Variants in ADAM22 observed in about 807,000 individuals in gnomAD.
ADAM22 encodes disintegrin and metalloproteinase domain-containing protein 22.
In ADAM22, 65 loss-of-function variants were observed where a neutral mutation model predicts 144.6. That is an observed-to-expected ratio of 0.45 (90% CI 0.37 to 0.55). ADAM22 has a LOEUF of 0.55. Ranked by LOEUF, ADAM22 falls within the 20% of genes least tolerant of loss-of-function variation. ADAM22 has a pLI of 0.00. For missense variants in ADAM22, 974 were observed against 1,184.9 expected (o/e 0.82, Z 2.61); for synonymous variants, 391 against 412.6 (o/e 0.95, Z 0.63).
rs1204808583 is a variant in ADAM22, at chr7:88,189,963, AATAAC to A, written c.2751-3151_2751-3147del. 2.0e-5 allele frequency among the ~76,000 whole-genome samples: 3 copies of A among 152,034 alleles called. No individual in the cohort carries two copies. The East Asian group carries it at 5.8e-4, about 29-fold the overall frequency. On this transcript the variant is annotated intron_variant, in intron 30 of 31. Transcript: ENST00000413139. ...GTCTCAAAAAAATAAATAAAAATAA[AATAAC>A]AAATTCTCCTGGATCAACCTACTAT...
At chr7:87,978,871 G>GTTAA in intron 3 of ADAM22, among the ~76,000 whole-genome samples, 12 of 152,282 alleles carry the variant, frequency 7.9e-5, no homozygotes, top group African/African-American at 2.9e-4. Flanking sequence ...GTGGATTTCT[G>GTTAA]TGAGGTTTCT....
chr7:87,985,429 T>G (rs941690257), intron 3 of ADAM22, among the ~76,000 whole-genome samples: 9 of 152,218 alleles, frequency 5.9e-5, no homozygotes, highest in African/African-American at 1.9e-4. Flanking sequence ...ATTCAATTTT[T>G]AAATGCTTTT....
chr7:88,070,947 A>G (rs1812582131), intron 3 of ADAM22, among the ~76,000 whole-genome samples: 1 of 152,124 alleles, frequency 6.6e-6, no homozygotes, highest in Non-Finnish European at 1.5e-5. Flanking sequence ...GAGTAAATTG[A>G]CTGGAAAAGC....
In ADAM22 at chr7:88,182,007, T is replaced by G; in HGVS notation, c.2646T>G (p.Pro882=). 6.2e-7 allele frequency: 1 copy of G among 1,613,648 alleles called. No individual in the cohort carries two copies. Among genetic ancestry groups the G allele is most frequent in the South Asian group, 1.1e-5 (1 of 91,044 alleles). Residue 882 remains proline, a synonymous_variant, in exon 29 of 32, where the codon CCT becomes CCG. Transcript: ENST00000413139. ...AAATCAGAGGCAAAAGATTTAGACC[T>G]CGGTCTAATTCAACTGAGTAAGTCT... ...KKKIRGKRFR[P]RSNSTEYLNP...
In ADAM22 at chr7:87,941,222, C is replaced by T. The variant is rs550447603; in HGVS notation, c.246+6036C>T. On this transcript the variant is annotated intron_variant, in intron 2 of 31. Coordinates refer to ENST00000413139, the MANE Select transcript of ADAM22 (RefSeq NM_001324418.2). ...TTATAGCTTCCCAAGTACTAAAGTG[C>T]CAAGGACATAGATCTACAGTTTGTC... 5.3e-5 allele frequency among the ~76,000 whole-genome samples: 8 copies of T among 152,236 alleles called. No homozygotes were observed. In the East Asian group the frequency reaches 1.5e-3, roughly 29 times the overall value.
chr7:88,023,076 A>G (rs952575682), intron 3 of ADAM22, among the ~76,000 whole-genome samples: 1 of 152,188 alleles, frequency 6.6e-6, no homozygotes, highest in African/African-American at 2.4e-5. Flanking sequence ...AACCAAAATA[A>G]TGAATTTACT....
At chr7:88,021,076 T>G (rs2129465910) in intron 3 of ADAM22, among the ~76,000 whole-genome samples, 1 of 152,288 alleles carries the variant, frequency 6.6e-6, no homozygotes, top group African/African-American at 2.4e-5. Flanking sequence ...TTTTCTCCTC[T>G]TATCTTCTGT....
intron 3 of ADAM22, among the ~76,000 whole-genome samples, chr7:88,001,377 A>G (rs747778933): frequency 6.6e-6 from 1 of 152,184 alleles, no homozygotes; most frequent in Non-Finnish European, 1.5e-5. Flanking sequence ...AAGCATTTTC[A>G]TGTGGAATTT....
intron 2 of ADAM22, among the ~76,000 whole-genome samples, chr7:87,948,737 A>G (rs1319532083): frequency 2.0e-5 from 3 of 152,180 alleles, no homozygotes; most frequent in Admixed American, 6.6e-5. Flanking sequence ...GGCTTGGCAT[A>G]AAGTTGTGCA....
chr7:88,046,530 A>G (rs184010355), intron 3 of ADAM22, among the ~76,000 whole-genome samples: 22 of 152,134 alleles, frequency 1.4e-4, no homozygotes, highest in Admixed American at 1.1e-3. Flanking sequence ...TTTTCTCTTC[A>G]TTCTGTTGAT....
At chr7:88,109,160 T>C (rs1825347431) in intron 5 of ADAM22, among the ~76,000 whole-genome samples, 1 of 152,202 alleles carries the variant, frequency 6.6e-6, no homozygotes, top group Admixed American at 6.5e-5. Flanking sequence ...GCCCCTTTTT[T>C]TCAGCCTGAA....
chr7:88,076,706 A>G (rs1025654289), intron 4 of ADAM22, among the ~76,000 whole-genome samples: 7 of 152,224 alleles, frequency 4.6e-5, no homozygotes, highest in African/African-American at 1.4e-4. Context: ...TTTCCCCCAG[A>G]TCTGCAGATG....
intron 23 of ADAM22, among the ~76,000 whole-genome samples, chr7:88,165,299 C>T (rs1842696730): frequency 6.6e-6 from 1 of 152,110 alleles, no homozygotes; most frequent in South Asian, 2.1e-4. Context: ...CTGACCCTGA[C>T]ATAGCTAGTA....
Position 88,191,987 on chromosome 7 carries a change from A to G in ADAM22, c.2751-1129A>G, listed in dbSNP as rs75391490. On this transcript the variant is annotated intron_variant, in intron 30 of 31. Transcript: ENST00000413139. The stretch of plus-strand genomic sequence containing the variant: ...TGGCAGAACCAGAGCAAAGGATATT[A>G]TACGCATGCAAACCAAAATTTAAAA... Among the ~76,000 whole-genome samples the G allele has an allele frequency of 6.3e-3, 966 of 152,342 alleles. 9 individuals carry two copies. The highest frequency in any genetic ancestry group is 0.021 in the African/African-American group (870 of 41,582).
At chr7:88,186,775 C>G (rs1024649515) in intron 30 of ADAM22, 74 bp downstream of exon 30, 2 of 936,614 alleles carry the variant, frequency 2.1e-6, no homozygotes, top group Admixed American at 2.0e-5. Flanking sequence ...GTGACTGGCT[C>G]TCTATCTTGT....
At chr7:88,059,950 C>T (rs112881715) in intron 3 of ADAM22, among the ~76,000 whole-genome samples, 40 of 152,050 alleles carry the variant, frequency 2.6e-4, no homozygotes, top group African/African-American at 9.6e-4. Flanking sequence ...TCAGTAAAAG[C>T]CAAACCTCTT....
intron 22 of ADAM22, 56 bp from the exon 23 acceptor site, chr7:88,162,956 T>G (rs968987622): frequency 6.3e-7 from 1 of 1,584,898 alleles, no homozygotes; most frequent in African/African-American, 1.4e-5. Flanking sequence ...TTTGAGCATA[T>G]TTTCAAAATG....
At chr7:88,192,746 G>A (rs1849887118) in intron 30 of ADAM22, among the ~76,000 whole-genome samples, 1 of 152,094 alleles carries the variant, frequency 6.6e-6, no homozygotes, top group African/African-American at 2.4e-5. Flanking sequence ...ACATTAAGTG[G>A]TTAAAAATAA....
chr7:88,060,791 C>T (rs1030472516), intron 3 of ADAM22, among the ~76,000 whole-genome samples: 1 of 149,220 alleles, frequency 6.7e-6, no homozygotes, highest in African/African-American at 2.5e-5. Context: ...ACAAAAAACA[C>T]TTTTTTTCGC....
Sources: allele counts gnomAD v4.1 joint callset (sites outside exome capture counted in the v4.1 genomes callset), GRCh38; gene constraint gnomAD v4.1.1; transcripts MANE v1.5; gene names NCBI Gene and HGNC (gene_info 2026-07-23, HGNC 2026-07-21).